Variants in B4GALNT2 observed in about 807,000 individuals in gnomAD.
B4GALNT2 encodes beta-1,4-N-acetyl-galactosaminyltransferase 2 (SID blood group).
B4GALNT2 carries 42 observed loss-of-function variants against 51.1 expected under a neutral mutation model. The observed-to-expected ratio is 0.82, with a 90% CI of 0.64 to 1.06. The LOEUF (loss-of-function observed/expected upper bound fraction) is 1.06. Ranked by LOEUF, B4GALNT2 falls within the 50% of genes least tolerant of loss-of-function variation. The pLI is 0.00. For synonymous variants in B4GALNT2, 253 were observed against 251.7 expected, an observed-to-expected ratio of 1.01 and a Z score of -0.05; for missense variants, 602 against 633.6, an observed-to-expected ratio of 0.95 and a Z score of 0.54.
intron 3 of B4GALNT2, chr17:49,148,712 G>A: frequency 1.7e-6 from 1 of 580,042 alleles, no homozygotes; most frequent in Non-Finnish European, 3.1e-6. Flanking sequence ...CCAGCTCCAG[G>A]TGCTTAGGCA....
At chr17:49,148,254 C>T (rs1004912454) in intron 3 of B4GALNT2, 9 of 259,970 alleles carry the variant, frequency 3.5e-5, no homozygotes, top group South Asian at 1.1e-4. Flanking sequence ...GAGCTAAGAT[C>T]GTGCCGCTGC....
intron 5 of B4GALNT2, 103 bp downstream of exon 5, chr17:49,156,706 G>A: frequency 1.5e-6 from 2 of 1,337,736 alleles, no homozygotes; most frequent in Non-Finnish European, 1.0e-6. Flanking sequence ...CAGATTCAAG[G>A]TCAGACATGA....
the B4GALNT2 span, among the ~76,000 whole-genome samples, chr17:49,126,845 C>T: frequency 2.0e-5 from 3 of 151,980 alleles, no homozygotes; most frequent in Non-Finnish European, 2.9e-5. Context: ...ACTATAGGTA[C>T]GTGCCACTAC....
intron 1 of B4GALNT2, among the ~76,000 whole-genome samples, chr17:49,139,228 T>C (rs1361809253): frequency 1.3e-5 from 2 of 151,836 alleles, no homozygotes; most frequent in African/African-American, 4.8e-5. Flanking sequence ...TGTTAGATAA[T>C]AGCAGTGGGC....
At position 49,152,886 on chromosome 17, in the gene B4GALNT2, T is replaced by C; in HGVS notation, c.440T>C (p.Leu147Pro). Reference sequence around the variant, plus strand: ...GTCCACGGAGTGGAGGTGATGCCCCTGCACACGGTTCCCATCCCAGGTAAG... The same window carrying C: ...GTCCACGGAGTGGAGGTGATGCCCCCGCACACGGTTCCCATCCCAGGTAAG... ...YPVHGVEVMP[L>P]HTVPIPGLQF... Residue 147 changes from leucine (L) to proline (P), a missense_variant, in exon 4 of 11, where the codon CTG becomes CCG. Leu to Pro is a moderately conservative substitution (Grantham distance 98). Transcript: ENST00000393354. 1.2e-6 allele frequency: 2 copies of C among 1,610,506 alleles called. No homozygotes were observed. The highest frequency in any genetic ancestry group is 1.7e-6 in the Non-Finnish European group (2 of 1,178,186).
chr17:49,141,585 G>A, intron 2 of B4GALNT2, 138 bp downstream of exon 2: 1 of 920,350 alleles, frequency 1.1e-6, no homozygotes, highest in Non-Finnish European at 1.6e-6. Context: ...ACAAGTGACT[G>A]CAAGCCAGGA....
chr17:49,157,700 G>A (rs765494506), intron 5 of B4GALNT2, among the ~76,000 whole-genome samples: 1 of 152,162 alleles, frequency 6.6e-6, no homozygotes, highest in East Asian at 1.9e-4. Flanking sequence ...GCGCTCAAAT[G>A]ATCCTCCCAC....
chr17:49,131,278 T>C (rs1016983950), upstream of B4GALNT2, among the ~76,000 whole-genome samples: 1 of 152,106 alleles, frequency 6.6e-6, no homozygotes, highest in Middle Eastern at 3.2e-3. Flanking sequence ...GGATCTCTTT[T>C]CCAGTCTGGA....
chr17:49,163,222 T>C (rs2042880517), intron 7 of B4GALNT2, among the ~76,000 whole-genome samples: 1 of 152,166 alleles, frequency 6.6e-6, no homozygotes, highest in Non-Finnish European at 1.5e-5. Flanking sequence ...TCCAGTCTCT[T>C]ATACGTCACA....
At chr17:49,160,112 G>A (rs72835414) in intron 6 of B4GALNT2, among the ~76,000 whole-genome samples, 24,825 of 152,088 alleles carry the variant, frequency 0.16, 2,703 homozygotes, top group Middle Eastern at 0.27. Flanking sequence ...AATGTAACAC[G>A]GTTACAGATG....
Position 49,133,238 on chromosome 17 carries a change from G to A in B4GALNT2, c.14+432G>A, listed in dbSNP as rs966656205. The A allele has an allele frequency of 5.4e-6, 8 of 1,468,770 alleles. 1 individual carries two copies. In the African/African-American group the frequency reaches 1.0e-4, roughly 19 times the overall value. 91.0% of individuals were successfully genotyped at this position (1,468,770 alleles called of 1,614,324 possible). A position where few individuals can be genotyped will look rare whatever the true frequency, so the allele number is the denominator to read the frequency against. On this transcript the variant is annotated intron_variant, in intron 1 of 10. Coordinates refer to ENST00000393354, the MANE Select transcript of B4GALNT2 (RefSeq NM_001159387.2). Reference sequence around the variant, plus strand: ...GTCAGGGGTATGTGAGTGCCCGGGCGCGGGGACTGCGGGCTGTGGACAGTC... The same window carrying A: ...GTCAGGGGTATGTGAGTGCCCGGGCACGGGGACTGCGGGCTGTGGACAGTC...
chr17:49,149,371 C>T (rs1007922265), intron 3 of B4GALNT2, among the ~76,000 whole-genome samples: 4 of 151,928 alleles, frequency 2.6e-5, no homozygotes, highest in Admixed American at 2.0e-4. Context: ...AAGGGCCAGG[C>T]GCGGTGGCTC....
chr17:49,151,979 C>T (rs746228599), intron 3 of B4GALNT2, among the ~76,000 whole-genome samples: 4 of 152,114 alleles, frequency 2.6e-5, no homozygotes, highest in Non-Finnish European at 4.4e-5. Flanking sequence ...CTGGTTCCCA[C>T]GAAGTTCAGA....
chr17:49,147,871 A>G (rs1456846128), intron 3 of B4GALNT2, among the ~76,000 whole-genome samples: 1 of 152,006 alleles, frequency 6.6e-6, no homozygotes, highest in East Asian at 1.9e-4. Context: ...GTGTGTATAT[A>G]TATCCATATA....
At chr17:49,157,714 G>A (rs763389069) in intron 5 of B4GALNT2, among the ~76,000 whole-genome samples, 7 of 152,000 alleles carry the variant, frequency 4.6e-5, no homozygotes, top group Non-Finnish European at 8.8e-5. Context: ...CTCCCACCTC[G>A]GTCTCCCAAA....
the B4GALNT2 span, among the ~76,000 whole-genome samples, chr17:49,120,347 C>T: frequency 2.0e-5 from 3 of 151,978 alleles, no homozygotes; most frequent in Non-Finnish European, 4.4e-5. Context: ...TGTCAGGGCA[C>T]GAAAAGAGGA....
At chr17:49,168,189 A>G (rs1414242171) in intron 9 of B4GALNT2, among the ~76,000 whole-genome samples, 2 of 152,242 alleles carry the variant, frequency 1.3e-5, no homozygotes, top group East Asian at 3.8e-4. Context: ...AGGCTCAAAC[A>G]TGAAAATGCA....
chr17:49,156,141 C>T (rs1443802609), intron 4 of B4GALNT2, among the ~76,000 whole-genome samples: 1 of 152,166 alleles, frequency 6.6e-6, no homozygotes, highest in Non-Finnish European at 1.5e-5. Context: ...CCAACTGAAA[C>T]TCTGTACCCA....
intron 7 of B4GALNT2, among the ~76,000 whole-genome samples, chr17:49,162,064 T>G (rs1237684577): frequency 1.3e-5 from 2 of 151,818 alleles, no homozygotes; most frequent in Non-Finnish European, 2.9e-5. Flanking sequence ...CTCCGCTCAC[T>G]GCAAGCTCCA....
Sources: allele counts gnomAD v4.1 joint callset (sites outside exome capture counted in the v4.1 genomes callset), GRCh38; gene constraint gnomAD v4.1.1; transcripts MANE v1.5; gene names NCBI Gene and HGNC (gene_info 2026-07-23, HGNC 2026-07-21).